DFFB: variants seen among roughly 807,000 people sequenced by gnomAD.
The protein encoded by DFFB is DNA fragmentation factor subunit beta.
A neutral mutation model predicts 32.7 loss-of-function variants in DFFB; 29 were observed. The ratio of observed to expected loss-of-function variants is 0.89; its 90% CI spans 0.66 to 1.21. The LOEUF is 1.21. DFFB is among the 50% of genes most tolerant of loss of function. DFFB has a pLI of 0.00. For missense variants in DFFB, 398 were observed against 440.6 expected (o/e 0.90, Z 0.87); for synonymous variants, 170 against 177.1 (o/e 0.96, Z 0.32).
intron 6 of DFFB, among the ~76,000 whole-genome samples, chr1:3,876,520 C>T (rs769038676): frequency 6.6e-6 from 1 of 152,220 alleles, no homozygotes; most frequent in Non-Finnish European, 1.5e-5. Context: ...GTTGCAGAGA[C>T]AGTGGTCTGT....
At chr1:3,872,401 G>A (rs1471176343) in intron 5 of DFFB, 71 bp from the exon 6 acceptor site, 5 of 1,147,796 alleles carry the variant, frequency 4.4e-6, no homozygotes, top group Non-Finnish European at 5.2e-6. Context: ...GACAGAGCGA[G>A]GCGCTGTCTC....
chr1:3,881,731 G>A (rs1333657168), intron 6 of DFFB, among the ~76,000 whole-genome samples: 2 of 152,160 alleles, frequency 1.3e-5, no homozygotes, highest in East Asian at 3.9e-4. Context: ...TTAGCTGGGT[G>A]TGGTGGCGCA....
chr1:3,857,738 G>T (rs1207763434), intron 1 of DFFB, 21 bp downstream of exon 1: 1 of 1,458,060 alleles, frequency 6.9e-7, no homozygotes. Flanking sequence ...GGCTAGGCGG[G>T]GACGGCCCGT....
chr1:3,879,114 G>A (rs1033318429), intron 6 of DFFB, among the ~76,000 whole-genome samples: 1 of 152,208 alleles, frequency 6.6e-6, no homozygotes, highest in Non-Finnish European at 1.5e-5. Context: ...GGTAGTTTTA[G>A]ATTTTTCTCC....
rs1321652862 is a variant in DFFB at position 3,885,036 on chromosome 1, A to G, written c.*1295A>G. On this transcript the variant is annotated 3_prime_UTR_variant, in exon 7 of 7. Transcript: ENST00000378209. ...TTTACATAGTGCAAAACTGTGTCACAGTTTCAGGCTTTTATGAGGAAAGCG... is the reference window on the plus strand; with the variant it reads ...TTTACATAGTGCAAAACTGTGTCACGGTTTCAGGCTTTTATGAGGAAAGCG... 1 of 152,246 alleles carries G rather than the reference A, an allele frequency of 6.6e-6. No homozygotes were observed. Among genetic ancestry groups the G allele is most frequent in the Admixed American group, 6.5e-5 (1 of 15,286 alleles). 9.4% of individuals were successfully genotyped at this position (152,246 alleles called of 1,614,324 possible).
Position 3,885,242 on chromosome 1 carries a change from G to A in DFFB, c.*1501G>A, listed in dbSNP as rs191031774. The A allele has an allele frequency of 6.6e-6, 1 of 152,248 alleles. No individual in the cohort carries two copies. Among genetic ancestry groups the A allele is most frequent in the Admixed American group, 6.5e-5 (1 of 15,298 alleles). The allele number at this position is 152,248 out of a possible 1,614,324, so 9.4% of individuals were successfully genotyped here. A position where few individuals can be genotyped will look rare whatever the true frequency, so the allele number is the denominator to read the frequency against. ...ACAGCAGTAATCCTGGGGGATACGG[G>A]GGTTGGGCTAGATTACAGAGGGCTC... On this transcript the variant is annotated 3_prime_UTR_variant, in exon 7 of 7. Transcript: ENST00000378209.
At chr1:3,862,430 ATAG>A (rs368308109) in intron 2 of DFFB, among the ~76,000 whole-genome samples, 2 of 152,344 alleles carry the variant, frequency 1.3e-5, no homozygotes, top group African/African-American at 4.8e-5. Flanking sequence ...GAAAAAGAAG[ATAG>A]TAGGAGGACC....
intron 5 of DFFB, 121 bp from the exon 6 acceptor site, chr1:3,872,351 T>G: frequency 1.5e-6 from 1 of 675,826 alleles, no homozygotes; most frequent in African/African-American, 1.8e-5. Flanking sequence ...AGGCGGAGGT[T>G]GTAGTAAGCC....
At chr1:3,880,591 TG>T (rs1438013856) in intron 6 of DFFB, among the ~76,000 whole-genome samples, 1 of 152,190 alleles carries the variant, frequency 6.6e-6, no homozygotes, top group African/African-American at 2.4e-5. Context: ...TGGAGCCTTC[TG>T]CTGCTGTGTG....
At chr1:3,864,245 G>A (rs1288702111) in intron 2 of DFFB, among the ~76,000 whole-genome samples, 1 of 152,110 alleles carries the variant, frequency 6.6e-6, no homozygotes, top group Non-Finnish European at 1.5e-5. Flanking sequence ...GATTACAGGC[G>A]TGAGCCACCG....
Position 3,857,539 on chromosome 1 carries a change from G to A in DFFB, c.-65G>A. 1.6e-6 allele frequency: 2 copies of A among 1,254,446 alleles called. No individual in the cohort carries two copies. The highest frequency in any genetic ancestry group is 2.2e-6 in the Non-Finnish European group (2 of 920,072). The allele number at this position is 1,254,446 out of a possible 1,614,324, so 77.7% of individuals were successfully genotyped here. ...GACCCCTGCGGCCAGGGCGAGGACG[G>A]ATCTGAGCAGCTGGGCAGCAGGTGC... On this transcript the variant is annotated 5_prime_UTR_variant, in exon 1 of 7. Transcript: ENST00000378209.
At chr1:3,860,535 G>C in intron 2 of DFFB, 1 of 372,558 alleles carries the variant, frequency 2.7e-6, no homozygotes, top group Non-Finnish European at 5.7e-6. Context: ...GGCCTAAACC[G>C]TTTATTTAGA....
At chr1:3,862,151 G>A (rs1644890827) in intron 2 of DFFB, among the ~76,000 whole-genome samples, 1 of 152,168 alleles carries the variant, frequency 6.6e-6, no homozygotes, top group South Asian at 2.1e-4. Flanking sequence ...CTTAGGATAA[G>A]TGTAACAAAA....
chr1:3,866,106 C>CGTGG, intron 3 of DFFB, 106 bp downstream of exon 3: 1 of 974,924 alleles, frequency 1.0e-6, no homozygotes, highest in Non-Finnish European at 1.5e-6. Flanking sequence ...CCTGTACCCT[C>CGTGG]GTGGGTTGAG....
intron 2 of DFFB, among the ~76,000 whole-genome samples, chr1:3,863,941 A>C (rs1644925642): frequency 6.6e-6 from 1 of 152,050 alleles, no homozygotes; most frequent in African/African-American, 2.4e-5. Context: ...GAATATAATA[A>C]AACCCATTGT....
At chr1:3,874,704 AAC>A in intron 6 of DFFB, among the ~76,000 whole-genome samples, 1 of 146,656 alleles carries the variant, frequency 6.8e-6, no homozygotes, top group African/African-American at 2.6e-5. Context: ...GTGTGAGTTT[AAC>A]ATGCACATAT....
intron 6 of DFFB, among the ~76,000 whole-genome samples, chr1:3,876,498 G>A (rs1645224222): frequency 2.0e-5 from 3 of 152,316 alleles, no homozygotes; most frequent in South Asian, 4.1e-4. Flanking sequence ...TTTCAGCACC[G>A]GTCTTCGGAA....
intron 5 of DFFB, 137 bp from the exon 6 acceptor site, chr1:3,872,335 C>T (rs890986369): frequency 3.2e-6 from 2 of 625,340 alleles, no homozygotes; most frequent in African/African-American, 1.9e-5. Flanking sequence ...ATCGCTTCAA[C>T]ACGGGAGGCG....
chr1:3,862,243 G>T (rs192575293), intron 2 of DFFB, among the ~76,000 whole-genome samples: 51 of 152,322 alleles, frequency 3.3e-4, no homozygotes, highest in Non-Finnish European at 7.4e-5. Context: ...AACATCCCAT[G>T]TTCATGGATT....
Sources: gnomAD v4.1 joint callset for allele counts (sites outside exome capture counted in the v4.1 genomes callset) on GRCh38, gnomAD v4.1.1 for gene constraint, MANE v1.5 for transcripts, NCBI Gene and HGNC (gene_info 2026-07-23, HGNC 2026-07-21) for gene names.